Variants in KCNH7 observed in about 807,000 individuals in gnomAD.
The protein encoded by KCNH7 is potassium voltage-gated channel subfamily H member 7, also known as voltage-gated inwardly rectifying potassium channel KCNH7.
A neutral mutation model predicts 120.8 loss-of-function variants in KCNH7; 49 were observed. The ratio of observed to expected loss-of-function variants is 0.41; its 90% CI spans 0.32 to 0.51. The LOEUF (loss-of-function observed/expected upper bound fraction) is 0.51, where lower values mean the gene tolerates loss of function less well. Ranked by LOEUF, KCNH7 falls within the 20% of genes least tolerant of loss-of-function variation. KCNH7 has a pLI of 0.38. For synonymous variants in KCNH7, 547 were observed against 516.1 expected (o/e 1.06, Z -0.81); for missense variants, 1,097 against 1,446.6 (o/e 0.76, Z 3.92).
At chr2:162,597,397 T>C (rs958737075) in intron 2 of KCNH7, among the ~76,000 whole-genome samples, 2 of 152,032 alleles carry the variant, frequency 1.3e-5, no homozygotes, top group African/African-American at 4.8e-5. Flanking sequence ...ACAACATGGA[T>C]GAACTTAAAG....
intron 9 of KCNH7, among the ~76,000 whole-genome samples, chr2:162,420,780 G>T (rs370461091): frequency 3.3e-5 from 5 of 152,068 alleles, no homozygotes; most frequent in Non-Finnish European, 7.4e-5. Flanking sequence ...AAGGTTATAC[G>T]TAAAATATCA....
At chr2:162,757,859 CA>C (rs1373105034) in intron 2 of KCNH7, among the ~76,000 whole-genome samples, 1 of 152,034 alleles carries the variant, frequency 6.6e-6, no homozygotes, top group African/African-American at 2.4e-5. Flanking sequence ...CATTGAGTGC[CA>C]TATTTTCATA....
intron 2 of KCNH7, among the ~76,000 whole-genome samples, chr2:162,647,404 A>G (rs1684402665): frequency 6.6e-6 from 1 of 152,188 alleles, no homozygotes; most frequent in South Asian, 2.1e-4. Flanking sequence ...TTTAAAAACT[A>G]TGGGGGTCAT....
intron 2 of KCNH7, among the ~76,000 whole-genome samples, chr2:162,832,625 C>G (rs1256050789): frequency 6.6e-6 from 1 of 152,090 alleles, no homozygotes; most frequent in Non-Finnish European, 1.5e-5. Flanking sequence ...ATTAGTCACT[C>G]TGTAATACAA....
At position 162,400,230 on chromosome 2, in the gene KCNH7, G is replaced by C; in HGVS notation, c.2366C>G (p.Ser789Cys). Reference protein sequence around the residue: ...LTALYFLSRGSIEILKDDIVV... With the variant: ...LTALYFLSRGCIEILKDDIVV... ...AATGTCATCTTTGAGAATTTCAATG[G>C]AGCCTCTGGATAAGAAATAAAGTGC... Residue 789 changes from serine to cysteine, a missense_variant, in exon 10 of 16, where the codon TCC becomes TGC. Physicochemically the swap from Ser to Cys is moderately radical, Grantham distance 112. This residue lies in a region of KCNH7 where 101 missense variants were observed against 176.3 expected (regional missense o/e 0.57). Transcript: ENST00000332142. 6.2e-7 allele frequency: 1 copy of C among 1,612,074 alleles called. No homozygotes were observed. Among genetic ancestry groups the C allele is most frequent in the Admixed American group, 1.7e-5 (1 of 59,806 alleles).
At chr2:162,441,894 C>A (rs1268806474) in intron 7 of KCNH7, among the ~76,000 whole-genome samples, 2 of 149,118 alleles carry the variant, frequency 1.3e-5, no homozygotes, top group South Asian at 4.3e-4. Context: ...CCAGTTATTG[C>A]CAGTATTTAT....
intron 2 of KCNH7, among the ~76,000 whole-genome samples, chr2:162,706,785 T>A (rs1686719053): frequency 6.6e-6 from 1 of 152,124 alleles, no homozygotes; most frequent in South Asian, 2.1e-4. Context: ...ATAATGCTTG[T>A]CCACATAGAA....
intron 2 of KCNH7, among the ~76,000 whole-genome samples, chr2:162,787,099 G>A (rs1202977093): frequency 1.3e-5 from 2 of 152,198 alleles, no homozygotes; most frequent in African/African-American, 4.8e-5. Context: ...GTTAACCCTG[G>A]TGCCAGGCTA....
intron 2 of KCNH7, among the ~76,000 whole-genome samples, chr2:162,740,050 G>A (rs1387807101): frequency 6.6e-6 from 1 of 152,150 alleles, no homozygotes; most frequent in East Asian, 1.9e-4. Context: ...GGTGTGACAT[G>A]TCAGTACCTG....
intron 2 of KCNH7, among the ~76,000 whole-genome samples, chr2:162,807,280 A>AAAAAAAAAT (rs1559143095): frequency 6.9e-6 from 1 of 144,446 alleles, no homozygotes; most frequent in Non-Finnish European, 1.5e-5. Context: ...AAAAAAAAAA[A>AAAAAAAAAT]AAACAAATTA....
chr2:162,568,115 A>C (rs893657410), intron 2 of KCNH7, among the ~76,000 whole-genome samples: 6 of 151,968 alleles, frequency 3.9e-5, no homozygotes, highest in African/African-American at 1.4e-4. Flanking sequence ...ATGGCAGCAG[A>C]AGAAGGAATG....
chr2:162,389,607 C>A lies in KCNH7; in HGVS notation c.2711-4668G>T, dbSNP rs77796331. On this transcript the variant is annotated intron_variant, in intron 12 of 15. Coordinates refer to ENST00000332142, the MANE Select transcript of KCNH7 (RefSeq NM_033272.4). The stretch of plus-strand genomic sequence containing the variant: ...TGGGAGAGGTGACCTCAGGTGACAT[C>A]AATGCTTTAGTTAAAAAATATACCA... 2.9e-3 allele frequency among the ~76,000 whole-genome samples: 436 copies of A among 152,008 alleles called. 1 individual carries two copies. The highest frequency in any genetic ancestry group is 6.8e-3 in the Middle Eastern group (2 of 294).
intron 2 of KCNH7, among the ~76,000 whole-genome samples, chr2:162,717,966 A>G (rs1687186757): frequency 6.6e-6 from 1 of 151,974 alleles, no homozygotes; most frequent in African/African-American, 2.4e-5. Flanking sequence ...ATTAACTCCA[A>G]ACATCCATTT....
At chr2:162,727,695 T>C (rs886717289) in intron 2 of KCNH7, among the ~76,000 whole-genome samples, 2 of 152,234 alleles carry the variant, frequency 1.3e-5, no homozygotes, top group African/African-American at 4.8e-5. Flanking sequence ...TTCCATTTTA[T>C]GGATATAGAA....
chr2:162,595,224 G>A (rs919447513), intron 2 of KCNH7, among the ~76,000 whole-genome samples: 2 of 151,984 alleles, frequency 1.3e-5, no homozygotes, highest in Admixed American at 6.6e-5. Flanking sequence ...GTGCCAGAAT[G>A]GAGTAAGTGC....
At chr2:162,399,469 C>T (rs1189922267) in intron 10 of KCNH7, among the ~76,000 whole-genome samples, 2 of 151,340 alleles carry the variant, frequency 1.3e-5, no homozygotes, top group African/African-American at 4.9e-5. Context: ...TGTGCTGCAC[C>T]CATTAACTCA....
chr2:162,539,640 A>G (rs1692235459), intron 2 of KCNH7, among the ~76,000 whole-genome samples: 1 of 152,052 alleles, frequency 6.6e-6, no homozygotes, highest in Non-Finnish European at 1.5e-5. Flanking sequence ...GCTTTATATA[A>G]AAGTTCAGCT....
At chr2:162,422,482 A>T (rs1288666903) in intron 9 of KCNH7, among the ~76,000 whole-genome samples, 1 of 152,076 alleles carries the variant, frequency 6.6e-6, no homozygotes, top group African/African-American at 2.4e-5. Flanking sequence ...CCATATTTTT[A>T]TTCTTTTTTT....
chr2:162,623,515 A>T (rs944625455), intron 2 of KCNH7, among the ~76,000 whole-genome samples: 1 of 152,316 alleles, frequency 6.6e-6, no homozygotes, highest in Non-Finnish European at 1.5e-5. Context: ...GTCTATTAAT[A>T]TCATGGACAC....
Sources: gnomAD v4.1 joint callset for allele counts (sites outside exome capture counted in the v4.1 genomes callset) on GRCh38, gnomAD v4.1.1 for gene constraint, gnomAD v4.1.1 regional missense constraint, MANE v1.5 for transcripts, NCBI Gene and HGNC (gene_info 2026-07-23, HGNC 2026-07-21) for gene names.